The following SPG21 variants were observed in gnomAD, a reference collection of about 807,000 sequenced individuals.
The protein encoded by SPG21 is SPG21 abhydrolase domain containing, maspardin.
Under a neutral mutation model 38.9 loss-of-function variants are expected in SPG21, and 26 were observed. The ratio of observed to expected loss-of-function variants is 0.67; its 90% confidence interval spans 0.49 to 0.93. The LOEUF (loss-of-function observed/expected upper bound fraction) is 0.93. Among genes scored for constraint, SPG21 ranks in the 40% least tolerant of loss-of-function variants. The pLI, the probability that SPG21 is intolerant of heterozygous loss-of-function variation, is 0.00. For missense variants in SPG21, 333 were observed against 376.5 expected, an observed-to-expected ratio of 0.88 and a Z score of 0.96; for synonymous variants, 136 against 128.9, an observed-to-expected ratio of 1.05 and a Z score of -0.37.
chr15:64,982,446 A>G (rs1178320531), intron 2 of SPG21, among the ~76,000 whole-genome samples: 1 of 152,172 alleles, frequency 6.6e-6, no homozygotes, highest in Non-Finnish European at 1.5e-5. Context: ...ATGCCTGGCT[A>G]ATTTTTTCAT....
chr15:64,976,649 TC>T, intron 3 of SPG21, 94 bp from the exon 4 acceptor site: 2 of 882,268 alleles, frequency 2.3e-6, no homozygotes, highest in South Asian at 2.9e-5. Context: ...CACTGACATT[TC>T]TCGTTTGCTC....
rs756578242 is a variant in SPG21, at chr15:64,980,907, C to T, written c.182G>A (p.Arg61Gln). The T allele has an allele frequency of 1.1e-5, 18 of 1,613,752 alleles. No homozygotes were observed. The highest frequency in any genetic ancestry group is 4.5e-5 in the East Asian group (2 of 44,898). ...PVSGTADVFF[R>Q]QILALTGWGY... The stretch of plus-strand genomic sequence containing the variant: ...CCATCCAGTCAGAGCCAAAATCTGC[C>T]GGAAAAAGACATCTGCAGTTCCACT... Residue 61 changes from arginine to glutamine, a missense_variant, in exon 3 of 9, where the codon CGG (arginine) becomes CAG (glutamine). Physicochemically the swap from Arg to Gln is conservative, Grantham distance 43 (BLOSUM62 1). Transcript: ENST00000204566.
intron 1 of SPG21, among the ~76,000 whole-genome samples, chr15:64,985,400 G>A (rs1273745452): frequency 2.0e-5 from 3 of 152,168 alleles, no homozygotes; most frequent in Non-Finnish European, 2.9e-5. Context: ...AGAATGAAGG[G>A]GGCCATCCTT....
chr15:64,968,330 A>G (rs1171465195), intron 7 of SPG21, among the ~76,000 whole-genome samples: 1 of 106,176 alleles, frequency 9.4e-6, no homozygotes, highest in Non-Finnish European at 1.9e-5. Context: ...ACAGAGTGAG[A>G]CCCTGTTTCC....
chr15:64,969,244 A>G lies in SPG21; in HGVS notation c.669+11T>C. 6.5e-7 allele frequency: 1 copy of G among 1,548,524 alleles called. No homozygotes were observed. The highest frequency in any genetic ancestry group is 8.9e-7 in the Non-Finnish European group (1 of 1,120,420). On this transcript the variant is annotated intron_variant, in intron 7 of 8. Coordinates refer to ENST00000204566, the MANE Select transcript of SPG21 (RefSeq NM_016630.7). ...AAGTAAAGCAGCTATTTTACTTAAAAGGAAGCTTACATCCATAATAGTTAC... is the reference window on the plus strand; with the variant it reads ...AAGTAAAGCAGCTATTTTACTTAAAGGGAAGCTTACATCCATAATAGTTAC...
intron 1 of SPG21, among the ~76,000 whole-genome samples, chr15:64,984,924 T>C (rs1475267011): frequency 6.6e-6 from 1 of 152,026 alleles, no homozygotes; most frequent in Non-Finnish European, 1.5e-5. Context: ...TAATTTTTTG[T>C]ATTTTTAGTA....
chr15:64,981,792 T>C (rs2085891584), intron 2 of SPG21, among the ~76,000 whole-genome samples: 1 of 152,238 alleles, frequency 6.6e-6, no homozygotes, highest in African/African-American at 2.4e-5. Flanking sequence ...AGTTTAATTT[T>C]TGCTTTCACT....
At chr15:64,986,873 C>T (rs1331499428) in intron 1 of SPG21, among the ~76,000 whole-genome samples, 1 of 152,152 alleles carries the variant, frequency 6.6e-6, no homozygotes, top group Non-Finnish European at 1.5e-5. Flanking sequence ...CATCTAAATA[C>T]TTCTTAATGG....
chr15:64,964,467 G>T (rs1305134081), intron 8 of SPG21, among the ~76,000 whole-genome samples: 1 of 152,018 alleles, frequency 6.6e-6, no homozygotes, highest in Non-Finnish European at 1.5e-5. Flanking sequence ...GATATGACTG[G>T]TTTTTGGGAT....
Position 64,981,013 on chromosome 15 carries a change from C to G in SPG21, c.76G>C (p.Asp26His). ...TVPLKKIIVD[D>H]DDSKIWSLYD... ...AGCGACCATATCTTACTGTCATCAT[C>G]ATCCACAATAATCTGGAGGGAAGGT... The change falls in exon 3 of 9, where the codon GAT (aspartate) becomes CAT (histidine). Residue 26 changes from aspartate to histidine, a missense_variant. Physicochemically the swap from Asp to His is moderately conservative, Grantham distance 81 (BLOSUM62 -1). Transcript: ENST00000204566. 1.2e-6 allele frequency: 2 copies of G among 1,614,152 alleles called. No individual in the cohort carries two copies. Among genetic ancestry groups the G allele is most frequent in the South Asian group, 1.1e-5 (1 of 91,084 alleles).
Position 64,980,885 on chromosome 15 carries a change from T to A in SPG21, c.204A>T (p.Gly68=). ...VFFRQILALT[G]WGYRVIALQY... ...TTACAGCGATAACCCGGTAACCCCA[T>A]CCAGTCAGAGCCAAAATCTGCCGGA... Residue 68 remains glycine, a synonymous_variant, in exon 3 of 9, where the codon GGA becomes GGT. Transcript: ENST00000204566. 6.2e-7 allele frequency: 1 copy of A among 1,612,750 alleles called. No homozygotes were observed. The highest frequency in any genetic ancestry group is 8.5e-7 in the Non-Finnish European group (1 of 1,179,800).
chr15:64,967,652 T>G (rs2085569649), intron 7 of SPG21, among the ~76,000 whole-genome samples: 1 of 152,132 alleles, frequency 6.6e-6, no homozygotes, highest in South Asian at 2.1e-4. Flanking sequence ...TTTTGTATTT[T>G]CAGTAGAGAC....
chr15:64,981,230 T>C, intron 2 of SPG21: 1 of 596,736 alleles, frequency 1.7e-6, no homozygotes, highest in East Asian at 2.9e-5. Context: ...ACAGAACTAC[T>C]TAGAACTACT....
At chr15:64,979,839 A>G (rs2085849689) in intron 3 of SPG21, among the ~76,000 whole-genome samples, 1 of 127,458 alleles carries the variant, frequency 7.8e-6, no homozygotes, top group African/African-American at 3.0e-5. Context: ...CCAATGTGGA[A>G]GCATGCAAAA....
At chr15:64,986,474 T>C (rs1356728587) in intron 1 of SPG21, among the ~76,000 whole-genome samples, 2 of 151,918 alleles carry the variant, frequency 1.3e-5, no homozygotes, top group African/African-American at 4.8e-5. Context: ...TCACCTGAGG[T>C]GAGGAGTTCA....
intron 1 of SPG21, among the ~76,000 whole-genome samples, chr15:64,983,906 C>T (rs1306235844): frequency 1.3e-5 from 2 of 151,954 alleles, no homozygotes; most frequent in Admixed American, 6.6e-5. Context: ...GCCTCAGCCT[C>T]CCGAGTATCT....
intron 7 of SPG21, among the ~76,000 whole-genome samples, chr15:64,967,717 C>T (rs911060211): frequency 3.3e-5 from 5 of 152,196 alleles, no homozygotes; most frequent in African/African-American, 7.2e-5. Flanking sequence ...ATGATCCACC[C>T]GCCTTGGCCT....
chr15:64,978,122 C>T (rs1478949275), intron 3 of SPG21, among the ~76,000 whole-genome samples: 5 of 151,740 alleles, frequency 3.3e-5, no homozygotes, highest in Middle Eastern at 3.4e-3. Flanking sequence ...TGAGCCACCG[C>T]GCCTGGCCAA....
At chr15:64,975,041 G>A (rs1352027319) in intron 4 of SPG21, among the ~76,000 whole-genome samples, 3 of 152,080 alleles carry the variant, frequency 2.0e-5, no homozygotes, top group Non-Finnish European at 2.9e-5. Flanking sequence ...TGTAATCCCA[G>A]CACTTTGGGA....
Sources: allele counts gnomAD v4.1 joint callset (sites outside exome capture counted in the v4.1 genomes callset), GRCh38; gene constraint gnomAD v4.1.1; transcripts MANE v1.5; gene names NCBI Gene and HGNC (gene_info 2026-07-23, HGNC 2026-07-21).